Variants in SGSM1 observed in about 807,000 individuals in gnomAD.
SGSM1 encodes the protein RUN and TBC1 domain containing 2.
Under a neutral mutation model 133.8 loss-of-function variants are expected in SGSM1, and 73 were observed. The observed-to-expected ratio is 0.55, with a 90% CI of 0.45 to 0.66. The LOEUF (loss-of-function observed/expected upper bound fraction) is 0.66. SGSM1 is among the 30% of genes least tolerant of loss of function. SGSM1 has a pLI of 0.00. For synonymous variants in SGSM1, 563 were observed against 573.0 expected (o/e 0.98, Z 0.25); for missense variants, 1,213 against 1,448.1 (o/e 0.84, Z 2.64).
chr22:24,865,636 AGTTT>A (rs1481780855), intron 9 of SGSM1, among the ~76,000 whole-genome samples: 3 of 152,142 alleles, frequency 2.0e-5, no homozygotes, highest in Non-Finnish European at 4.4e-5. Flanking sequence ...AGCCTATGTT[AGTTT>A]GAGTCCTCCA....
chr22:24,853,769 A>AT (rs57736929), intron 5 of SGSM1, among the ~76,000 whole-genome samples: 11,418 of 123,256 alleles, frequency 0.093, 632 homozygotes, highest in East Asian at 0.14. Context: ...CGCCTGGTGA[A>AT]TTTTTTTTTT....
intron 2 of SGSM1, among the ~76,000 whole-genome samples, chr22:24,828,022 A>G (rs773637681): frequency 1.3e-5 from 2 of 152,020 alleles, no homozygotes; most frequent in Non-Finnish European, 1.5e-5. Flanking sequence ...GTGGACCCCT[A>G]TCTCCTGAAA....
At chr22:24,881,082 A>T (rs987550703) in intron 14 of SGSM1, among the ~76,000 whole-genome samples, 4 of 149,190 alleles carry the variant, frequency 2.7e-5, no homozygotes, top group Non-Finnish European at 5.9e-5. Context: ...AGTCTCAGCT[A>T]CTTGGGAGGC....
chr22:24,893,437 G>A lies in SGSM1; in HGVS notation c.1777G>A (p.Glu593Lys), dbSNP rs779396348. The stretch of plus-strand genomic sequence containing the variant: ...ATTGCATCTGCCCTGGCAGGTGGAC[G>A]AGCAGATTCATGCCTGCTATGCACA... ...MTETERKEVD[E>K]QIHACYAQTM... Residue 593 changes from glutamate (E) to lysine (K), a missense_variant, in exon 17 of 25, where the codon GAG becomes AAG. Physicochemically the swap from Glu to Lys is moderately conservative, Grantham distance 56. Coordinates refer to ENST00000400358, the MANE Select transcript of SGSM1 (RefSeq NM_001098497.3). 1.1e-5 allele frequency: 17 copies of A among 1,613,444 alleles called. No homozygotes were observed. The highest frequency in any genetic ancestry group is 1.7e-5 in the Admixed American group (1 of 59,930).
intron 2 of SGSM1, among the ~76,000 whole-genome samples, chr22:24,816,316 C>A (rs1928071192): frequency 6.6e-6 from 1 of 152,068 alleles, no homozygotes; most frequent in Admixed American, 6.5e-5. Flanking sequence ...ATCCTCCATC[C>A]TTTTCAAGTC....
intron 12 of SGSM1, chr22:24,874,496 T>C: frequency 6.2e-7 from 1 of 1,613,606 alleles, no homozygotes; most frequent in South Asian, 1.1e-5. Context: ...CGGTCCATGC[T>C]GGTGGTGGCC....
intron 2 of SGSM1, among the ~76,000 whole-genome samples, chr22:24,835,583 T>C (rs1456158214): frequency 6.6e-6 from 1 of 151,374 alleles, no homozygotes; most frequent in African/African-American, 2.4e-5. Flanking sequence ...GGTTGGGGAG[T>C]TGCAATTTTA....
At chr22:24,879,747 G>C (rs541941794) in intron 14 of SGSM1, among the ~76,000 whole-genome samples, 2 of 152,322 alleles carry the variant, frequency 1.3e-5, no homozygotes, top group Non-Finnish European at 2.9e-5. Context: ...AGAGGACAGT[G>C]GACAGTGGGG....
intron 12 of SGSM1, among the ~76,000 whole-genome samples, chr22:24,872,576 C>T (rs148765288): frequency 0.012 from 1,754 of 152,166 alleles, 17 homozygotes; most frequent in African/African-American, 0.04. Flanking sequence ...AAATATATTG[C>T]TGGAATTGAT....
chr22:24,847,208 C>T (rs1601917166), intron 3 of SGSM1, among the ~76,000 whole-genome samples: 1 of 152,030 alleles, frequency 6.6e-6, no homozygotes, highest in Non-Finnish European at 1.5e-5. Context: ...AAAGTGTTTT[C>T]TAACTCAAAA....
chr22:24,845,670 T>C (rs1930052310), intron 3 of SGSM1, among the ~76,000 whole-genome samples: 1 of 152,242 alleles, frequency 6.6e-6, no homozygotes, highest in African/African-American at 2.4e-5. Context: ...TGGAGAGGCC[T>C]GAGCTGGGAG....
chr22:24,884,106 G>A lies in SGSM1; in HGVS notation c.1549G>A (p.Val517Ile), dbSNP rs189518601. The A allele has an allele frequency of 3.1e-6, 5 of 1,613,764 alleles. No individual in the cohort carries two copies. The Admixed American group carries it at 5.0e-5, about 16-fold the overall frequency. The change falls in exon 15 of 25, where the codon GTC becomes ATC. Residue 517 changes from valine to isoleucine, a missense_variant. Physicochemically the swap from Val to Ile is conservative, Grantham distance 29 (BLOSUM62 3). Coordinates refer to ENST00000400358, the MANE Select transcript of SGSM1 (RefSeq NM_001098497.3). Reference protein sequence around the residue: ...STVRTHLSALVNHMIVSPDLP... With the variant: ...STVRTHLSALINHMIVSPDLP... ...CGTGAGAACCCACCTATCAGCCCTG[G>A]TCAATCACATGATCGTGTCTCCAGA...
intron 2 of SGSM1, among the ~76,000 whole-genome samples, chr22:24,821,734 C>T (rs5760686): frequency 0.86 from 129,665 of 151,544 alleles, 55,464 homozygotes; most frequent in East Asian, 0.95. Context: ...TTCTTATTTT[C>T]CCCCCCAAAG....
At chr22:24,884,904 A>G (rs1304694877) in intron 15 of SGSM1, among the ~76,000 whole-genome samples, 2 of 152,234 alleles carry the variant, frequency 1.3e-5, no homozygotes, top group African/African-American at 4.8e-5. Flanking sequence ...ATATTAGTGT[A>G]TGAGGTAGCA....
intron 9 of SGSM1, among the ~76,000 whole-genome samples, chr22:24,862,233 A>G (rs923276892): frequency 1.3e-5 from 2 of 152,112 alleles, no homozygotes; most frequent in African/African-American, 2.4e-5. Context: ...TACAGGCGTG[A>G]GCCACCGCAC....
rs1166769107 is a variant in SGSM1, at chr22:24,860,914, AAAAAAAAAAT to A, written c.926+1076_926+1085del. Among the ~76,000 whole-genome samples, 780 of 95,762 alleles carry A rather than the reference AAAAAAAAAAT, an allele frequency of 8.1e-3. 9 individuals carry two copies. Among genetic ancestry groups the A allele is most frequent in the African/African-American group, 0.039 (737 of 18,830 alleles). 62.8% of individuals were successfully genotyped at this position (95,762 alleles called of 152,430 possible). ...GACTGTCTTAAAAAAAAAAAAAAAAAAAAAAAAAATATATATATATATATATATATATATA... is the reference window on the plus strand; with the variant it reads ...GACTGTCTTAAAAAAAAAAAAAAAAAATATATATATATATATATATATATA... On this transcript the variant is annotated intron_variant, in intron 9 of 24. Transcript: ENST00000400358.
chr22:24,822,457 C>T (rs547285358), intron 2 of SGSM1, among the ~76,000 whole-genome samples: 1 of 152,320 alleles, frequency 6.6e-6, no homozygotes, highest in African/African-American at 2.4e-5. Flanking sequence ...AGTTTTGCCT[C>T]TTCCAGAATG....
chr22:24,815,025 G>T (rs1006183057), intron 2 of SGSM1, among the ~76,000 whole-genome samples: 1 of 152,186 alleles, frequency 6.6e-6, no homozygotes, highest in African/African-American at 2.4e-5. Flanking sequence ...TGGACAAGGG[G>T]GCTAAGAATG....
At chr22:24,865,816 A>G (rs1931420124) in intron 9 of SGSM1, among the ~76,000 whole-genome samples, 1 of 152,178 alleles carries the variant, frequency 6.6e-6, no homozygotes, top group Admixed American at 6.5e-5. Flanking sequence ...GAGACACAGC[A>G]TGGCTCTAAG....
Sources: gnomAD v4.1 joint callset for allele counts (sites outside exome capture counted in the v4.1 genomes callset) on GRCh38, gnomAD v4.1.1 for gene constraint, MANE v1.5 for transcripts, NCBI Gene and HGNC (gene_info 2026-07-23, HGNC 2026-07-21) for gene names.